The following MARCHF3 variants were observed in gnomAD, a reference collection of about 807,000 sequenced individuals.
The protein encoded by MARCHF3 is membrane associated ring-CH-type finger 3.
In MARCHF3, 13 loss-of-function variants were observed where a neutral mutation model predicts 24.2. The observed-to-expected ratio is 0.54, with a 90% confidence interval of 0.35 to 0.85. The LOEUF is 0.85. Ranked by LOEUF, MARCHF3 falls within the 40% of genes least tolerant of loss-of-function variation. MARCHF3 has a pLI of 0.01. For missense variants in MARCHF3, 276 were observed against 325.0 expected (o/e 0.85, Z 1.16); for synonymous variants, 144 against 137.3 (o/e 1.05, Z -0.34).
At chr5:126,991,640 G>C (rs1347305654) in intron 1 of MARCHF3, among the ~76,000 whole-genome samples, 1 of 151,870 alleles carries the variant, frequency 6.6e-6, no homozygotes, top group African/African-American at 2.4e-5. Context: ...AGAATCGCTT[G>C]AACCCAGGAG....
intron 1 of MARCHF3, among the ~76,000 whole-genome samples, chr5:127,025,325 AG>A (rs57786304): frequency 0.015 from 1,884 of 128,066 alleles, 37 homozygotes; most frequent in African/African-American, 0.059. Flanking sequence ...AAAAAAAAAA[AG>A]AAAGAAACTA....
At chr5:127,019,330 T>A (rs1026560987) in intron 1 of MARCHF3, among the ~76,000 whole-genome samples, 7 of 152,084 alleles carry the variant, frequency 4.6e-5, no homozygotes, top group African/African-American at 1.7e-4. Flanking sequence ...TCTACCCCCC[T>A]ACCCCATCCC....
chr5:127,001,947 G>C (rs1233576408), intron 1 of MARCHF3, among the ~76,000 whole-genome samples: 1 of 152,200 alleles, frequency 6.6e-6, no homozygotes, highest in Non-Finnish European at 1.5e-5. Context: ...CTTTATAGGA[G>C]ACTCAAGGAA....
chr5:126,955,022 A>G (rs976677216), intron 1 of MARCHF3, among the ~76,000 whole-genome samples: 3 of 152,234 alleles, frequency 2.0e-5, no homozygotes, highest in Non-Finnish European at 4.4e-5. Flanking sequence ...AAATTGTACC[A>G]TAACATCCAT....
At chr5:126,949,694 T>C (rs1750150863) in intron 1 of MARCHF3, among the ~76,000 whole-genome samples, 1 of 152,150 alleles carries the variant, frequency 6.6e-6, no homozygotes, top group Non-Finnish European at 1.5e-5. Flanking sequence ...AATTGCAGAA[T>C]TCCCAGCATA....
intron 1 of MARCHF3, among the ~76,000 whole-genome samples, chr5:126,935,601 CTTTTTTTT>C (rs202058243): frequency 2.8e-5 from 2 of 70,592 alleles, no homozygotes; most frequent in African/African-American, 1.1e-4. Flanking sequence ...GTATATATGG[CTTTTTTTT>C]TTTTTTTTTT....
intron 1 of MARCHF3, among the ~76,000 whole-genome samples, chr5:126,967,098 T>G (rs1034163161): frequency 6.6e-5 from 10 of 151,654 alleles, no homozygotes; most frequent in African/African-American, 2.4e-4. Context: ...TATTTGTTTT[T>G]CTATTGGAGT....
At chr5:126,914,225 C>T (rs552036570) in intron 3 of MARCHF3, among the ~76,000 whole-genome samples, 35 of 151,828 alleles carry the variant, frequency 2.3e-4, no homozygotes, top group African/African-American at 5.3e-4. Flanking sequence ...CCTTGTGATC[C>T]GCCCACCTCG....
chr5:126,871,184 G>T (rs944221648), intron 4 of MARCHF3, among the ~76,000 whole-genome samples: 2 of 152,198 alleles, frequency 1.3e-5, no homozygotes, highest in Admixed American at 6.5e-5. Flanking sequence ...GTTCTTCTCT[G>T]TTAGATGAGT....
At chr5:127,029,990 C>A (rs1318214245) in intron 1 of MARCHF3, 1 of 152,218 alleles carries the variant, frequency 6.6e-6, no homozygotes, top group African/African-American at 2.4e-5. Context: ...TACCGTACCG[C>A]ACAGCGCGGG....
chr5:126,987,857 T>C lies in MARCHF3; in HGVS notation c.-57+42493A>G, dbSNP rs571251448. Among the ~76,000 whole-genome samples, 67 of 152,252 alleles carry C rather than the reference T, an allele frequency of 4.4e-4. 3 individuals carry two copies. In the South Asian group the frequency reaches 8.9e-3, roughly 20 times the overall value. ...TACTCCCTGCCTTAGGTCCATGCAC[T>C]GCACTAGAAACCCATGATTTTACTT... On this transcript the variant is annotated intron_variant, in intron 1 of 4. Transcript: ENST00000308660.
intron 3 of MARCHF3, among the ~76,000 whole-genome samples, chr5:126,890,078 G>T (rs1002638268): frequency 6.6e-5 from 10 of 152,028 alleles, no homozygotes; most frequent in African/African-American, 2.4e-4. Context: ...GGACTTTTTG[G>T]ATATCTTTCA....
intron 1 of MARCHF3, among the ~76,000 whole-genome samples, chr5:126,922,512 T>TTTTTTTTA (rs1554065915): frequency 3.5e-5 from 5 of 142,820 alleles, no homozygotes; most frequent in Non-Finnish European, 7.6e-5. Context: ...CATTTCTGTC[T>TTTTTTTTA]TTTATTTATT....
intron 1 of MARCHF3, among the ~76,000 whole-genome samples, chr5:126,922,565 G>C (rs1358241626): frequency 7.6e-6 from 1 of 131,956 alleles, no homozygotes; most frequent in Non-Finnish European, 1.7e-5. Context: ...ATTTATTTTT[G>C]AGTCGGAGTC....
chr5:126,969,690 G>C (rs1750935234), intron 1 of MARCHF3, among the ~76,000 whole-genome samples: 1 of 152,152 alleles, frequency 6.6e-6, no homozygotes, highest in African/African-American at 2.4e-5. Context: ...GAGATGTGAG[G>C]CCAGTGGTTC....
At chr5:126,960,968 T>G (rs1388818802) in intron 1 of MARCHF3, among the ~76,000 whole-genome samples, 1 of 152,076 alleles carries the variant, frequency 6.6e-6, no homozygotes, top group African/African-American at 2.4e-5. Flanking sequence ...CTAGAATGAA[T>G]TAAAAGTAGT....
intron 1 of MARCHF3, among the ~76,000 whole-genome samples, chr5:126,955,404 G>T (rs925302278): frequency 6.6e-6 from 1 of 152,206 alleles, no homozygotes; most frequent in African/African-American, 2.4e-5. Context: ...ATTTTAGCAG[G>T]TATTGCCAAC....
At chr5:126,970,036 T>C (rs1194452293) in intron 1 of MARCHF3, among the ~76,000 whole-genome samples, 4 of 152,216 alleles carry the variant, frequency 2.6e-5, no homozygotes, top group African/African-American at 4.8e-5. Flanking sequence ...CCATTGGTGA[T>C]GTCATTTCAG....
At chr5:126,989,915 G>A (rs1751694953) in intron 1 of MARCHF3, among the ~76,000 whole-genome samples, 2 of 152,072 alleles carry the variant, frequency 1.3e-5, no homozygotes, top group South Asian at 4.1e-4. Context: ...CCTGAAGTCA[G>A]GAGTTTGAGA....
Sources: gnomAD v4.1 joint callset for allele counts (sites outside exome capture counted in the v4.1 genomes callset) on GRCh38, gnomAD v4.1.1 for gene constraint, MANE v1.5 for transcripts, NCBI Gene and HGNC (gene_info 2026-07-23, HGNC 2026-07-21) for gene names.